Variants in NRG3 observed in about 807,000 individuals in gnomAD.
NRG3 encodes the protein pro-neuregulin-3, membrane-bound isoform.
Under a neutral mutation model 66.9 loss-of-function variants are expected in NRG3, and 31 were observed. That is an observed-to-expected ratio of 0.46 (90% CI 0.35 to 0.63). NRG3 has a LOEUF of 0.63. Ranked by LOEUF, NRG3 falls within the 20% of genes least tolerant of loss-of-function variation. The pLI, the probability that NRG3 is intolerant of heterozygous loss-of-function variation, is 0.00. For missense variants in NRG3, 910 were observed against 878.9 expected (o/e 1.04, Z -0.45); for synonymous variants, 393 against 359.4 (o/e 1.09, Z -1.06).
At chr10:82,474,141 C>A (rs1468357047) in intron 2 of NRG3, among the ~76,000 whole-genome samples, 3 of 151,768 alleles carry the variant, frequency 2.0e-5, no homozygotes, top group South Asian at 4.2e-4. Context: ...TGTGCAGAGA[C>A]TGGAGAGGTG....
intron 1 of NRG3, among the ~76,000 whole-genome samples, chr10:82,199,619 C>G (rs1190267517): frequency 1.3e-5 from 2 of 151,986 alleles, no homozygotes; most frequent in African/African-American, 2.4e-5. Context: ...TTTTCTCATC[C>G]ATTTGCACTT....
At chr10:82,126,372 A>C (rs556104890) in intron 1 of NRG3, among the ~76,000 whole-genome samples, 2 of 152,078 alleles carry the variant, frequency 1.3e-5, no homozygotes, top group Non-Finnish European at 2.9e-5. Flanking sequence ...TTATAGGGTT[A>C]TATTTCATAG....
At chr10:82,420,012 GTC>G (rs1206250270) in intron 2 of NRG3, among the ~76,000 whole-genome samples, 2 of 152,126 alleles carry the variant, frequency 1.3e-5, no homozygotes, top group Admixed American at 1.3e-4. Flanking sequence ...CAAGGACTCA[GTC>G]TCTCTACATA....
chr10:82,713,889 C>T (rs1032103461), intron 2 of NRG3, among the ~76,000 whole-genome samples: 1 of 152,104 alleles, frequency 6.6e-6, no homozygotes, highest in African/African-American at 2.4e-5. Flanking sequence ...TGCCACAAAA[C>T]AGTAGTCATT....
At chr10:82,376,268 G>A (rs2085232917) in intron 2 of NRG3, among the ~76,000 whole-genome samples, 1 of 152,150 alleles carries the variant, frequency 6.6e-6, no homozygotes, top group Non-Finnish European at 1.5e-5. Context: ...AACACATGCA[G>A]AGCAAACAAA....
At chr10:82,349,504 A>C (rs376789308) in intron 1 of NRG3, among the ~76,000 whole-genome samples, 3,051 of 151,864 alleles carry the variant, frequency 0.02, 93 homozygotes, top group African/African-American at 0.069. Context: ...TGCAGAGGTT[A>C]CTGCTGTCTT....
At chr10:81,942,644 A>G (rs982896810) in intron 1 of NRG3, among the ~76,000 whole-genome samples, 3 of 152,162 alleles carry the variant, frequency 2.0e-5, no homozygotes, top group African/African-American at 7.2e-5. Context: ...TTGAGTCAAC[A>G]TTGAGCCCCT....
At chr10:82,044,108 C>T (rs1020639162) in intron 1 of NRG3, among the ~76,000 whole-genome samples, 18 of 151,982 alleles carry the variant, frequency 1.2e-4, no homozygotes, top group Admixed American at 2.6e-4. Flanking sequence ...TTCCTACCAC[C>T]ACACAGTTAA....
Position 82,873,703 on chromosome 10 carries a change from C to A in NRG3, c.1054+8266C>A, listed in dbSNP as rs866724174. 2.3e-4 allele frequency among the ~76,000 whole-genome samples: 35 copies of A among 152,268 alleles called. No homozygotes were observed. The Middle Eastern group carries it at 0.01, about 44-fold the overall frequency. On this transcript the variant is annotated intron_variant, in intron 4 of 8. Coordinates refer to ENST00000372141, the MANE Select transcript of NRG3 (RefSeq NM_001010848.4). Reference sequence around the variant, plus strand: ...GGCATCAAAGATGTTTATATGAAAGCAGGTGCAATGCCATTTGAAAATGTA... The same window carrying A: ...GGCATCAAAGATGTTTATATGAAAGAAGGTGCAATGCCATTTGAAAATGTA...
rs180835450 is a variant in NRG3, at chr10:82,873,186, G to A, written c.1054+7749G>A. Reference sequence around the variant, plus strand: ...AACAGCAAATACTGATCTGCAATACGGTGTCAGTTAAAAAATAAAGTTAAC... The same window carrying A: ...AACAGCAAATACTGATCTGCAATACAGTGTCAGTTAAAAAATAAAGTTAAC... On this transcript the variant is annotated intron_variant, in intron 4 of 8. Transcript: ENST00000372141. Among the ~76,000 whole-genome samples the A allele has an allele frequency of 3.3e-5, 5 of 152,084 alleles. No homozygotes were observed. The East Asian group carries it at 5.8e-4, about 18-fold the overall frequency.
At chr10:82,136,782 G>A (rs932292573) in intron 1 of NRG3, among the ~76,000 whole-genome samples, 2 of 152,126 alleles carry the variant, frequency 1.3e-5, no homozygotes, top group Non-Finnish European at 2.9e-5. Context: ...GCTAGGGCTG[G>A]TATAAATGCT....
At position 82,955,280 on chromosome 10, in the gene NRG3, G is replaced by A. The variant is rs545430028; in HGVS notation, c.1158-3669G>A. On this transcript the variant is annotated intron_variant, in intron 5 of 8. Coordinates refer to ENST00000372141, the MANE Select transcript of NRG3 (RefSeq NM_001010848.4). ...AAGTAAGAAACACCTTGAATTTAGAGGATTTTTTGATGGAGTTAACTGAAC... is the reference window on the plus strand; with the variant it reads ...AAGTAAGAAACACCTTGAATTTAGAAGATTTTTTGATGGAGTTAACTGAAC... 3 of 151,914 alleles carry A rather than the reference G, an allele frequency of 2.0e-5. No homozygotes were observed. The South Asian group carries it at 6.2e-4, about 32-fold the overall frequency. 9.4% of individuals were successfully genotyped at this position (151,914 alleles called of 1,614,324 possible).
Position 82,917,970 on chromosome 10 carries a change from G to GTA in NRG3, c.1055-33477_1055-33476dup, listed in dbSNP as rs1171736937. 5.7e-3 allele frequency among the ~76,000 whole-genome samples: 651 copies of GTA among 113,966 alleles called. 9 individuals are homozygous for GTA. The highest frequency in any genetic ancestry group is 0.019 in the African/African-American group (525 of 27,124). The allele number at this position is 113,966 out of a possible 152,430, so 74.8% of individuals were successfully genotyped here. Reference sequence around the variant, plus strand: ...TGGGATTGTGTGTGTGTGTGTGTGTGTATATATATATATATATATATATGT... The same window carrying GTA: ...TGGGATTGTGTGTGTGTGTGTGTGTGTATATATATATATATATATATATATGT... On this transcript the variant is annotated intron_variant, in intron 4 of 8. Coordinates refer to ENST00000372141, the MANE Select transcript of NRG3 (RefSeq NM_001010848.4).
intron 2 of NRG3, among the ~76,000 whole-genome samples, chr10:82,640,135 TTGA>T (rs2050469752): frequency 6.6e-6 from 1 of 152,220 alleles, no homozygotes; most frequent in South Asian, 2.1e-4. Context: ...CAAATACCAT[TTGA>T]CACAGCAATA....
At chr10:81,949,495 T>TGGCC (rs1275112684) in intron 1 of NRG3, among the ~76,000 whole-genome samples, 1 of 152,018 alleles carries the variant, frequency 6.6e-6, no homozygotes, top group Middle Eastern at 3.2e-3. Context: ...TGCCCTCTCA[T>TGGCC]GGCCAGATGG....
intron 1 of NRG3, among the ~76,000 whole-genome samples, chr10:81,906,313 C>T (rs1317210586): frequency 6.6e-6 from 1 of 152,088 alleles, no homozygotes; most frequent in Admixed American, 6.6e-5. Flanking sequence ...GCCAAATGTT[C>T]GTTTCCCAGA....
rs527468685 is a variant in NRG3 at position 82,233,739 on chromosome 10, C to G, written c.824-125000C>G. On this transcript the variant is annotated intron_variant, in intron 1 of 8. Transcript: ENST00000372141. ...AAGATAAATGGCACCATCAGCCAAC[C>G]AGGAGGTCAAACCAGAAACCATTGG... Among the ~76,000 whole-genome samples, 8 of 152,240 alleles carry G rather than the reference C, an allele frequency of 5.3e-5. No homozygotes were observed. The South Asian group carries it at 1.7e-3, about 32-fold the overall frequency.
At chr10:82,958,661 G>A (rs1307134122) in intron 5 of NRG3, among the ~76,000 whole-genome samples, 2 of 152,110 alleles carry the variant, frequency 1.3e-5, no homozygotes, top group African/African-American at 4.8e-5. Context: ...AAAACTCAGG[G>A]TTAGAGACTT....
At chr10:82,481,076 C>T (rs972725289) in intron 2 of NRG3, among the ~76,000 whole-genome samples, 6 of 152,178 alleles carry the variant, frequency 3.9e-5, no homozygotes, top group African/African-American at 1.4e-4. Context: ...AAAACTCTGC[C>T]AAGGAGCTTG....
Sources: gnomAD v4.1 joint callset for allele counts (sites outside exome capture counted in the v4.1 genomes callset) on GRCh38, gnomAD v4.1.1 for gene constraint, MANE v1.5 for transcripts, NCBI Gene and HGNC (gene_info 2026-07-23, HGNC 2026-07-21) for gene names.